Variants in THOC5 observed in about 807,000 individuals in gnomAD.
THOC5 encodes the protein Fms-interacting protein.
Under a neutral mutation model 92.9 loss-of-function variants are expected in THOC5, and 43 were observed. That is an observed-to-expected ratio of 0.46 (90% confidence interval 0.36 to 0.60). THOC5 has a LOEUF of 0.60. THOC5 is among the 20% of genes least tolerant of loss of function. THOC5 has a pLI of 0.00. For synonymous variants in THOC5, 296 were observed against 320.1 expected, an observed-to-expected ratio of 0.92 and a Z score of 0.80; for missense variants, 659 against 849.4, an observed-to-expected ratio of 0.78 and a Z score of 2.79.
chr22:29,533,427 A>G (rs2063695016), intron 7 of THOC5, among the ~76,000 whole-genome samples: 1 of 152,202 alleles, frequency 6.6e-6, no homozygotes, highest in African/African-American at 2.4e-5. Context: ...ATGGTCAGCT[A>G]AATACCTATG....
Position 29,506,788 on chromosome 22 carries a change from T to C in THOC5, c.*1669A>G, listed in dbSNP as rs2063145039. ...CATCTCCATGAAATCCTGTAAGACT[T>C]AGAATTACTCTCTGTGAAGTACAGT... is the stretch of plus-strand genomic sequence containing the variant. On this transcript the variant is annotated 3_prime_UTR_variant, in exon 20 of 20. Coordinates refer to ENST00000490103, the MANE Select transcript of THOC5 (RefSeq NM_003678.5). 6.6e-6 allele frequency: 1 copy of C among 152,290 alleles called. No individual in the cohort carries two copies. Among genetic ancestry groups the C allele is most frequent in the African/African-American group, 2.4e-5 (1 of 41,456 alleles). The allele number at this position is 152,290 out of a possible 1,614,324, so 9.4% of individuals were successfully genotyped here.
At chr22:29,510,106 G>A (rs1433371815) in intron 19 of THOC5, among the ~76,000 whole-genome samples, 1 of 152,178 alleles carries the variant, frequency 6.6e-6, no homozygotes, top group Non-Finnish European at 1.5e-5. Flanking sequence ...TGAGTTAGAG[G>A]CTGAAAGGGA....
chr22:29,529,017 C>G (rs2063600356), intron 9 of THOC5, 145 bp downstream of exon 9: 2 of 783,536 alleles, frequency 2.6e-6, no homozygotes, highest in Admixed American at 5.0e-5. Flanking sequence ...AGTGAGCTCT[C>G]TTTCCTGTCT....
At chr22:29,520,837 C>G (rs1321285040) in intron 13 of THOC5, among the ~76,000 whole-genome samples, 161 bp downstream of exon 13, 1 of 152,194 alleles carries the variant, frequency 6.6e-6, no homozygotes, top group Non-Finnish European at 1.5e-5. Flanking sequence ...TGTGATCTCC[C>G]TTTGCCTTGT....
chr22:29,512,185 G>T (rs762952070), intron 17 of THOC5, 49 bp from the exon 18 acceptor site: 2 of 1,507,636 alleles, frequency 1.3e-6, no homozygotes, highest in Non-Finnish European at 9.2e-7. Flanking sequence ...GACTCAGCTT[G>T]CCAGCCATGG....
At chr22:29,538,489 G>A (rs1210375712) in intron 6 of THOC5, among the ~76,000 whole-genome samples, 2 of 151,934 alleles carry the variant, frequency 1.3e-5, no homozygotes, top group African/African-American at 4.8e-5. Context: ...AAAAGATAAG[G>A]TCTTCGGCAT....
At position 29,539,372 on chromosome 22, in the gene THOC5, T is replaced by C; in HGVS notation, c.557A>G (p.Gln186Arg). 1.9e-6 allele frequency: 3 copies of C among 1,614,042 alleles called. No individual in the cohort carries two copies. Among genetic ancestry groups the C allele is most frequent in the Non-Finnish European group, 2.5e-6 (3 of 1,179,934 alleles). The stretch of plus-strand genomic sequence containing the variant: ...CTCCCAGTCCAGACGTGCCAGTGTT[T>C]GCTGGTGAGGGTCTCCCATGGTGAC... The part of the protein sequence containing the change: ...AEVTMGDPHQ[Q>R]TLARLDWELE... The change falls in exon 6 of 20, where the codon CAA (glutamine) becomes CGA (arginine). Residue 186 changes from glutamine to arginine, a missense_variant. Physicochemically the swap from Gln to Arg is conservative, Grantham distance 43. Coordinates refer to ENST00000490103, the MANE Select transcript of THOC5 (RefSeq NM_003678.5).
At position 29,507,042 on chromosome 22, in the gene THOC5, A is replaced by C. The variant is rs1252139683; in HGVS notation, c.*1415T>G. The C allele has an allele frequency of 6.6e-6, 1 of 151,890 alleles. No individual in the cohort carries two copies. The highest frequency in any genetic ancestry group is 6.6e-5 in the Admixed American group (1 of 15,246). The allele number at this position is 151,890 out of a possible 1,614,324, so 9.4% of individuals were successfully genotyped here. On this transcript the variant is annotated 3_prime_UTR_variant, in exon 20 of 20. Transcript: ENST00000490103. ...TACCACCACACCTGGCTGATTTTTAAATTTTTTGTAGATACAGGGTCTCTC... is the reference window on the plus strand; with the variant it reads ...TACCACCACACCTGGCTGATTTTTACATTTTTTGTAGATACAGGGTCTCTC...
At chr22:29,520,767 A>C (rs2063425703) in intron 13 of THOC5, among the ~76,000 whole-genome samples, 1 of 152,212 alleles carries the variant, frequency 6.6e-6, no homozygotes, top group Non-Finnish European at 1.5e-5. Flanking sequence ...AAGTGCTGGG[A>C]TTACAGGCGT....
chr22:29,511,977 G>A (rs544255959), intron 18 of THOC5, 44 bp downstream of exon 18: 11 of 1,552,716 alleles, frequency 7.1e-6, no homozygotes, highest in Admixed American at 5.1e-5. Flanking sequence ...CACCTCCCCC[G>A]GGAGCTCTGC....
chr22:29,552,621 AG>A (rs896999980), intron 1 of THOC5, among the ~76,000 whole-genome samples: 1 of 140,518 alleles, frequency 7.1e-6, no homozygotes, highest in Admixed American at 7.1e-5. Flanking sequence ...GGTCGGGGGT[AG>A]GGGGGCGCCT....
chr22:29,531,561 C>T, intron 8 of THOC5: 1 of 1,174,348 alleles, frequency 8.5e-7, no homozygotes, highest in Non-Finnish European at 1.1e-6. Context: ...CCCAGACAGG[C>T]TGCCTGGGTT....
chr22:29,521,098 C>T lies in THOC5; in HGVS notation c.1177G>A (p.Asp393Asn). The T allele has an allele frequency of 6.2e-7, 1 of 1,612,160 alleles. No homozygotes were observed. The highest frequency in any genetic ancestry group is 1.1e-5 in the South Asian group (1 of 90,946). Residue 393 changes from aspartate to asparagine, a missense_variant and splice_region_variant, in exon 13 of 20, where the codon GAC becomes AAC. Transcript: ENST00000490103. The stretch of plus-strand genomic sequence containing the variant: ...AGGACTGAGTCAGGAGACAGCAAGT[C>T]ACTAGAAAAGGAAAAACAGTAAGCA... ...MELITPISAG[D>N]LLSPDSVLSC...
chr22:29,543,535 T>C lies in THOC5; in HGVS notation c.248A>G (p.Glu83Gly), dbSNP rs780546677. The change falls in exon 4 of 20, where the codon GAA (glutamate) becomes GGA (glycine). Residue 83 changes from glutamate to glycine, a missense_variant. By Grantham distance (98) the Glu-to-Gly change is moderately conservative. Coordinates refer to ENST00000490103, the MANE Select transcript of THOC5 (RefSeq NM_003678.5). ...GCTCTGGATCCTCCGTTCTTCTATTTCTATTGCCTGTGGGCAAAGAAAACA... is the reference window on the plus strand; with the variant it reads ...GCTCTGGATCCTCCGTTCTTCTATTCCTATTGCCTGTGGGCAAAGAAAACA... ...KSRGGKDVAI[E>G]IEERRIQSCV... is the part of the protein sequence containing the mutation. 7 of 1,613,332 alleles carry C rather than the reference T, an allele frequency of 4.3e-6. No individual in the cohort carries two copies. In the East Asian group the frequency reaches 1.6e-4, roughly 36 times the overall value.
intron 1 of THOC5, chr22:29,550,958 T>G (rs933471259): frequency 6.6e-6 from 1 of 152,210 alleles, no homozygotes; most frequent in African/African-American, 2.4e-5. Flanking sequence ...AATGTTCCTT[T>G]GTAACAAAAG....
At chr22:29,538,022 G>A (rs571438724) in intron 6 of THOC5, among the ~76,000 whole-genome samples, 5 of 151,754 alleles carry the variant, frequency 3.3e-5, no homozygotes, top group African/African-American at 9.7e-5. Flanking sequence ...TCATTCTGTC[G>A]CCCAGGCTAG....
At chr22:29,526,205 G>A (rs1016190018) in intron 11 of THOC5, among the ~76,000 whole-genome samples, 1 of 152,046 alleles carries the variant, frequency 6.6e-6, no homozygotes, top group Non-Finnish European at 1.5e-5. Context: ...CAGAATTATA[G>A]AAAAATTCAG....
intron 19 of THOC5, 37 bp from the exon 20 acceptor site, chr22:29,508,557 C>G: frequency 2.6e-6 from 4 of 1,542,810 alleles, no homozygotes; most frequent in Non-Finnish European, 3.6e-6. Context: ...TAATAACACA[C>G]CTTCTAGGCT....
In THOC5 at chr22:29,541,869, A is replaced by T. The variant is rs1340121451; in HGVS notation, c.452+990T>A. On this transcript the variant is annotated intron_variant, in intron 5 of 19. Transcript: ENST00000490103. ...GAGCAAGACTCCATCTCCAAAAAAAAAAAAAAAAAAAAAAAAAAAAAAAAA... is the reference window on the plus strand; with the variant it reads ...GAGCAAGACTCCATCTCCAAAAAAATAAAAAAAAAAAAAAAAAAAAAAAAA... Among the ~76,000 whole-genome samples, 7 of 60,258 alleles carry T rather than the reference A, an allele frequency of 1.2e-4. 1 individual carries two copies. The highest frequency in any genetic ancestry group is 4.6e-4 in the Admixed American group (2 of 4,382). The allele number at this position is 60,258 out of a possible 152,430, so 39.5% of individuals were successfully genotyped here.
Sources: gnomAD v4.1 joint callset for allele counts (sites outside exome capture counted in the v4.1 genomes callset) on GRCh38, gnomAD v4.1.1 for gene constraint, MANE v1.5 for transcripts, NCBI Gene and HGNC (gene_info 2026-07-23, HGNC 2026-07-21) for gene names.